MAK16: variants seen among roughly 807,000 people sequenced by gnomAD.
MAK16 encodes the protein MAK16 homolog, also known as protein MAK16 homolog.
MAK16 carries 12 observed loss-of-function variants against 49.9 expected under a neutral mutation model. The ratio of observed to expected loss-of-function variants is 0.24; its 90% CI spans 0.15 to 0.39. The LOEUF is 0.39. Among genes scored for constraint, MAK16 ranks in the 10% least tolerant of loss-of-function variants. The pLI is 1.00. For synonymous variants in MAK16, 115 were observed against 126.4 expected (o/e 0.91, Z 0.60); for missense variants, 292 against 363.7 (o/e 0.80, Z 1.60).
intron 1 of MAK16, 109 bp downstream of exon 1, chr8:33,485,330 C>T: frequency 6.9e-7 from 1 of 1,455,778 alleles, no homozygotes; most frequent in Non-Finnish European, 9.6e-7. Context: ...TCGTGCCGCT[C>T]TGGATGTGAG....
In MAK16 at chr8:33,500,518, A is replaced by T; in HGVS notation, c.*1889A>T. On this transcript the variant is annotated 3_prime_UTR_variant, in exon 10 of 10. Coordinates refer to ENST00000360128, the MANE Select transcript of MAK16 (RefSeq NM_032509.4). ...GGAATCAGGAAGAAAAGCTATGTTC[A>T]TACTCTAAATCTGGATATTAAAATT... 1.2e-6 allele frequency: 2 copies of T among 1,612,936 alleles called. No individual in the cohort carries two copies. Among genetic ancestry groups the T allele is most frequent in the South Asian group, 2.2e-5 (2 of 91,008 alleles).
In MAK16 at chr8:33,500,983, C is replaced by A. The variant is rs79070349; in HGVS notation, c.*2354C>A. ...CATTTAATTTCAGATCCTAGCTCATCATCAGTGAAGTCCAGCCTACTTACT... is the reference window on the plus strand; with the variant it reads ...CATTTAATTTCAGATCCTAGCTCATAATCAGTGAAGTCCAGCCTACTTACT... On this transcript the variant is annotated 3_prime_UTR_variant, in exon 10 of 10. Coordinates refer to ENST00000360128, the MANE Select transcript of MAK16 (RefSeq NM_032509.4). The A allele has an allele frequency of 6.3e-6, 1 of 159,896 alleles. No individual in the cohort carries two copies. Among genetic ancestry groups the A allele is most frequent in the African/African-American group, 2.4e-5 (1 of 41,424 alleles). The allele number at this position is 159,896 out of a possible 1,614,324, so 9.9% of individuals were successfully genotyped here.
chr8:33,488,918 T>C, intron 4 of MAK16, 70 bp from the exon 5 acceptor site: 1 of 1,607,324 alleles, frequency 6.2e-7, no homozygotes. Flanking sequence ...AGGCCATGGG[T>C]GTCACTGACA....
chr8:33,490,469 G>A, intron 6 of MAK16, 130 bp downstream of exon 6: 1 of 601,084 alleles, frequency 1.7e-6, no homozygotes, highest in Non-Finnish European at 2.8e-6. Context: ...ACTATTAGTT[G>A]CCTAAGACAT....
In MAK16 at chr8:33,485,218, T is replaced by G; in HGVS notation, c.12T>G (p.Asp4Glu). 6 of 1,614,176 alleles carry G rather than the reference T, an allele frequency of 3.7e-6. No homozygotes were observed. The highest frequency in any genetic ancestry group is 5.1e-6 in the Non-Finnish European group (6 of 1,180,014). MQS[D>E]DVIWDTLGNK... ...GAGCCGCGGACACCATGCAGTCGGA[T>G]GATGTGAGTCTCCTCCGGTTGTTCT... Residue 4 changes from aspartate to glutamate, a missense_variant, in exon 1 of 10, where the codon GAT (aspartate) becomes GAG (glutamate). Transcript: ENST00000360128.
chr8:33,485,346 C>T, intron 1 of MAK16, 125 bp downstream of exon 1: 3 of 1,289,346 alleles, frequency 2.3e-6, no homozygotes, highest in Non-Finnish European at 3.4e-6. Flanking sequence ...GTGAGGCTTC[C>T]GGAACCCCGA....
chr8:33,496,553 C>A, intron 7 of MAK16, 72 bp from the exon 8 acceptor site: 1 of 1,125,446 alleles, frequency 8.9e-7, no homozygotes, highest in Non-Finnish European at 1.3e-6. Context: ...AAGTAATATT[C>A]TCCACAGAAA....
At chr8:33,493,994 G>A (rs1808816488) in intron 6 of MAK16, among the ~76,000 whole-genome samples, 1 of 150,286 alleles carries the variant, frequency 6.7e-6, no homozygotes, top group African/African-American at 2.5e-5. Flanking sequence ...CACAGATTAA[G>A]CGTATTTATT....
In MAK16 at chr8:33,499,138, G is replaced by GA. The variant is rs762760847; in HGVS notation, c.*513dup. ...CCATTCATACAAATTGGGATGGGAAGAAAATCCTTTCCTCTTGGGAAAGTA... is the reference window on the plus strand; with the variant it reads ...CCATTCATACAAATTGGGATGGGAAGAAAAATCCTTTCCTCTTGGGAAAGTA... On this transcript the variant is annotated 3_prime_UTR_variant, in exon 10 of 10. Transcript: ENST00000360128. The GA allele has an allele frequency of 6.5e-7, 1 of 1,543,986 alleles. No homozygotes were observed. The highest frequency in any genetic ancestry group is 1.1e-5 in the South Asian group (1 of 89,626).
rs1292768049 is a variant in MAK16, at chr8:33,500,586, C to T, written c.*1957C>T. ...CTGTCAAGTGGAAAGCTATCATTTC[C>T]TAAATTAAGGAACTTAGGTCAAAGT... is the stretch of plus-strand genomic sequence containing the variant. On this transcript the variant is annotated 3_prime_UTR_variant, in exon 10 of 10. Coordinates refer to ENST00000360128, the MANE Select transcript of MAK16 (RefSeq NM_032509.4). 2 of 1,456,456 alleles carry T rather than the reference C, an allele frequency of 1.4e-6. No homozygotes were observed. The highest frequency in any genetic ancestry group is 2.9e-5 in the African/African-American group (2 of 69,910). The allele number at this position is 1,456,456 out of a possible 1,614,324, so 90.2% of individuals were successfully genotyped here.
In MAK16 at chr8:33,489,842, T is replaced by TA. The variant is rs979013625; in HGVS notation, c.393-442dup. On this transcript the variant is annotated intron_variant, in intron 5 of 9. Transcript: ENST00000360128. This position sits in a 1 kb window ranked among gnomAD's most constrained non-coding sequence, Gnocchi z 4.2. ...CCCAGAATTAACAGAATACCTTCTC[T>TA]AGGACTGTTAGGCCCTAATGCTTTT... Among the ~76,000 whole-genome samples, 8 of 152,224 alleles carry TA rather than the reference T, an allele frequency of 5.3e-5. No individual in the cohort carries two copies. Among genetic ancestry groups the TA allele is most frequent in the Admixed American group, 4.6e-4 (7 of 15,274 alleles).
At chr8:33,495,285 T>C (rs1180024696) in intron 6 of MAK16, among the ~76,000 whole-genome samples, 1 of 152,242 alleles carries the variant, frequency 6.6e-6, no homozygotes, top group Admixed American at 6.5e-5. Flanking sequence ...TTTGTATCTA[T>C]CAAAGCCTGT....
intron 1 of MAK16, among the ~76,000 whole-genome samples, chr8:33,487,502 C>G (rs950122323): frequency 1.3e-5 from 2 of 151,642 alleles, no homozygotes; most frequent in Non-Finnish European, 2.9e-5. Context: ...CTCGGCTTAC[C>G]GCAACTTCTG....
chr8:33,496,589 A>G, intron 7 of MAK16, 36 bp from the exon 8 acceptor site: 1 of 1,508,146 alleles, frequency 6.6e-7, no homozygotes, highest in Non-Finnish European at 9.2e-7. Context: ...TAATATCCAA[A>G]TGTAGTTAAA....
chr8:33,491,118 T>A (rs1367112189), intron 6 of MAK16, among the ~76,000 whole-genome samples: 1 of 152,246 alleles, frequency 6.6e-6, no homozygotes, highest in African/African-American at 2.4e-5. Context: ...CAGAATCTCA[T>A]TCTTTTTAAT....
At chr8:33,493,320 A>AT (rs1236780980) in intron 6 of MAK16, among the ~76,000 whole-genome samples, 1 of 152,094 alleles carries the variant, frequency 6.6e-6, no homozygotes, top group Non-Finnish European at 1.5e-5. Context: ...CACCCGGCTA[A>AT]TTTTTGTATT....
Position 33,500,709 on chromosome 8 carries a change from C to A in MAK16, c.*2080C>A. Reference sequence around the variant, plus strand: ...TACTGCCTATACACACAGACACACCCTCTGCCACACTGCTCTCTTCCTTCC... The same window carrying A: ...TACTGCCTATACACACAGACACACCATCTGCCACACTGCTCTCTTCCTTCC... On this transcript the variant is annotated 3_prime_UTR_variant, in exon 10 of 10. Coordinates refer to ENST00000360128, the MANE Select transcript of MAK16 (RefSeq NM_032509.4). The A allele has an allele frequency of 2.0e-6, 1 of 509,896 alleles. No homozygotes were observed. Among genetic ancestry groups the A allele is most frequent in the Non-Finnish European group, 3.5e-6 (1 of 284,014 alleles). 31.6% of individuals were successfully genotyped at this position (509,896 alleles called of 1,614,324 possible).
At chr8:33,485,425 G>C (rs796093778) in intron 1 of MAK16, 2 of 660,562 alleles carry the variant, frequency 3.0e-6, no homozygotes, top group Non-Finnish European at 5.4e-6. Flanking sequence ...CGGGTTGTGA[G>C]CACAGGACTC....
At chr8:33,490,427 T>C (rs1379227147) in intron 6 of MAK16, 88 bp downstream of exon 6, 8 of 1,008,538 alleles carry the variant, frequency 7.9e-6, no homozygotes, top group Non-Finnish European at 1.2e-5. Context: ...TGTAAACTGT[T>C]GAGGCCTTGG....
Sources: gnomAD v4.1 joint callset for allele counts (sites outside exome capture counted in the v4.1 genomes callset) on GRCh38, gnomAD v4.1.1 for gene constraint, Gnocchi (gnomAD v3.1) non-coding constraint, MANE v1.5 for transcripts, NCBI Gene and HGNC (gene_info 2026-07-23, HGNC 2026-07-21) for gene names.